TMLHE: variants seen among roughly 807,000 people sequenced by gnomAD.
TMLHE encodes trimethyllysine hydroxylase, epsilon, also known as trimethyllysine dioxygenase, mitochondrial.
A neutral mutation model predicts 25.7 loss-of-function variants in TMLHE; 18 were observed. The ratio of observed to expected loss-of-function variants is 0.70; its 90% confidence interval spans 0.48 to 1.04. TMLHE has a LOEUF of 1.04. Ranked by LOEUF, TMLHE falls within the 50% of genes least tolerant of loss-of-function variation. TMLHE has a pLI of 0.00. For synonymous variants in TMLHE, 105 were observed against 97.0 expected (o/e 1.08, Z -0.49); for missense variants, 236 against 259.0 (o/e 0.91, Z 0.61).
Position 155,564,048 on chromosome X carries a change from T to C in TMLHE, c.-1-18771A>G, listed in dbSNP as rs1418808358. Reference sequence around the variant, plus strand: ...TTTTCAAGGACTCAAAATTAAATGCTCACAAGGGCTAGGCAAGTAACATAA... The same window carrying C: ...TTTTCAAGGACTCAAAATTAAATGCCCACAAGGGCTAGGCAAGTAACATAA... On this transcript the variant is annotated intron_variant, in intron 1 of 7. Transcript: ENST00000334398. Among the ~76,000 whole-genome samples the C allele has an allele frequency of 2.5e-4, 15 of 61,065 alleles. 3 individuals are homozygous for C. The Admixed American group carries it at 2.7e-3, about 11-fold the overall frequency. 53.0% of individuals were successfully genotyped at this position (61,065 alleles called of 115,157 possible). A position where few individuals can be genotyped will look rare whatever the true frequency, so the allele number is the denominator to read the frequency against.
chrX:155,516,064 T>A (rs2067153093), intron 3 of TMLHE, among the ~76,000 whole-genome samples: 1 of 61,462 alleles, frequency 1.6e-5, no homozygotes, highest in Non-Finnish European at 3.2e-5. Context: ...ATGTGCACAT[T>A]GTGCAGGTTA....
intron 1 of TMLHE, among the ~76,000 whole-genome samples, chrX:155,576,788 G>A (rs1557343827): frequency 8.9e-6 from 1 of 111,838 alleles, no homozygotes; most frequent in African/African-American, 3.3e-5. Context: ...ATGGTGCTGG[G>A]ATAACTGCTA....
chrX:155,528,175 A>G (rs1171125303), intron 2 of TMLHE, among the ~76,000 whole-genome samples: 1 of 110,613 alleles, frequency 9.0e-6, no homozygotes, highest in Admixed American at 9.7e-5. Flanking sequence ...ATACTTGCAA[A>G]CATTGGTAGT....
intron 1 of TMLHE, among the ~76,000 whole-genome samples, chrX:155,572,933 C>G (rs1603076001): frequency 3.5e-5 from 2 of 57,795 alleles, no homozygotes; most frequent in African/African-American, 8.2e-5. Flanking sequence ...TGGGCACGGA[C>G]TTCATGTCTA....
chrX:155,541,322 T>G (rs147093469), intron 2 of TMLHE, among the ~76,000 whole-genome samples: 2,835 of 111,362 alleles, frequency 0.025, 99 homozygotes, highest in Admixed American at 0.12. Context: ...TGTGTTAGTT[T>G]GCTGAGAATG....
intron 1 of TMLHE, among the ~76,000 whole-genome samples, chrX:155,555,707 T>G (rs1255150585): frequency 9.0e-6 from 1 of 110,972 alleles, no homozygotes; most frequent in Non-Finnish European, 1.9e-5. Context: ...CTTTGCCCGC[T>G]TTTTGATGGG....
intron 2 of TMLHE, among the ~76,000 whole-genome samples, chrX:155,544,757 G>A (rs372929553): frequency 1.8e-5 from 2 of 110,451 alleles, no homozygotes; most frequent in Non-Finnish European, 3.8e-5. Flanking sequence ...GGGAGATGGA[G>A]TGGGGCTGGA....
chrX:155,592,432 T>C (rs921839075), intron 1 of TMLHE, among the ~76,000 whole-genome samples: 1 of 112,004 alleles, frequency 8.9e-6, no homozygotes. Flanking sequence ...GAGACACCCA[T>C]GTGGACCACA....
intron 1 of TMLHE, among the ~76,000 whole-genome samples, chrX:155,576,670 A>G (rs782082983): frequency 6.3e-5 from 7 of 111,940 alleles, no homozygotes; most frequent in Non-Finnish European, 1.3e-4. Context: ...ATATAGACCA[A>G]TGGAACAGAA....
chrX:155,548,851 T>C (rs1373794194), intron 1 of TMLHE, among the ~76,000 whole-genome samples: 1 of 110,705 alleles, frequency 9.0e-6, no homozygotes, highest in Non-Finnish European at 1.9e-5. Context: ...AATCAATTCA[T>C]GAAGAGATGT....
intron 1 of TMLHE, among the ~76,000 whole-genome samples, chrX:155,549,377 G>C (rs1238955859): frequency 3.6e-5 from 4 of 109,819 alleles, no homozygotes; most frequent in Non-Finnish European, 5.7e-5. Flanking sequence ...TGTTATTAAT[G>C]GCCTTTTTCT....
At chrX:155,606,792 A>G (rs1395249653) in intron 1 of TMLHE, among the ~76,000 whole-genome samples, 1 of 67,245 alleles carries the variant, frequency 1.5e-5, no homozygotes, top group African/African-American at 4.4e-5. Flanking sequence ...CCAACCCCAC[A>G]GAAATACAAA....
intron 1 of TMLHE, among the ~76,000 whole-genome samples, chrX:155,548,535 G>GTAACCAAGA (rs1491301815): frequency 9.2e-6 from 1 of 109,143 alleles, no homozygotes; most frequent in Non-Finnish European, 1.9e-5. Flanking sequence ...GCAGTATGAG[G>GTAACCAAGA]CCAGCCTGAC....
chrX:155,518,542 G>A (rs2067172002), intron 3 of TMLHE, among the ~76,000 whole-genome samples: 1 of 99,989 alleles, frequency 1.0e-5, no homozygotes, highest in Non-Finnish European at 2.1e-5. Flanking sequence ...CATAAAATGA[G>A]TTAGGGAGGA....
chrX:155,554,713 G>A (rs1239070529), intron 1 of TMLHE, among the ~76,000 whole-genome samples: 1 of 109,548 alleles, frequency 9.1e-6, no homozygotes, highest in Non-Finnish European at 1.9e-5. Flanking sequence ...CCTTGCTGTT[G>A]TAAAATCTTT....
In TMLHE at chrX:155,504,329, C is replaced by T. The variant is rs782129055; in HGVS notation, c.995+2569G>A. On this transcript the variant is annotated intron_variant, in intron 6 of 7. Transcript: ENST00000334398. Reference sequence around the variant, plus strand: ...TACCCTCTAAATCCATTTTTAAAATCGAAAAATATCACCGTAAGATACCGC... The same window carrying T: ...TACCCTCTAAATCCATTTTTAAAATTGAAAAATATCACCGTAAGATACCGC... Among the ~76,000 whole-genome samples the T allele has an allele frequency of 2.3e-3, 149 of 65,889 alleles. 2 individuals carry two copies. Among genetic ancestry groups the T allele is most frequent in the African/African-American group, 8.6e-3 (147 of 17,062 alleles). 57.2% of individuals were successfully genotyped at this position (65,889 alleles called of 115,157 possible).
chrX:155,611,073 T>C (rs1444026093), intron 1 of TMLHE, among the ~76,000 whole-genome samples: 2 of 111,892 alleles, frequency 1.8e-5, no homozygotes, highest in Non-Finnish European at 3.8e-5. Flanking sequence ...TCCAGCATAA[T>C]TTTTTTCTCA....
intron 1 of TMLHE, among the ~76,000 whole-genome samples, chrX:155,548,535 GCCAGCCTGACTAACATGGTGAAACCCT>G (rs2067379134): frequency 9.2e-6 from 1 of 109,143 alleles, no homozygotes. Context: ...GCAGTATGAG[GCCAGCCTGACTAACATGGTGAAACCCT>G]GTCTCTACTA....
intron 1 of TMLHE, among the ~76,000 whole-genome samples, chrX:155,591,749 G>A (rs782143098): frequency 8.1e-5 from 9 of 111,504 alleles, no homozygotes; most frequent in Non-Finnish European, 1.7e-4. Context: ...CTTTTGGTGG[G>A]AATGTCAATT....
Sources: allele counts gnomAD v4.1 joint callset (sites outside exome capture counted in the v4.1 genomes callset), GRCh38; gene constraint gnomAD v4.1.1; transcripts MANE v1.5; gene names NCBI Gene and HGNC (gene_info 2026-07-23, HGNC 2026-07-21).